KRABD3: variants seen among roughly 807,000 people sequenced by gnomAD.
KRABD3 encodes the protein KRAB domain containing 3.
the KRABD3 span, chr7:149,733,366 C>T: frequency 1.9e-6 from 3 of 1,612,138 alleles, no homozygotes; most frequent in Admixed American, 3.3e-5. Flanking sequence ...AGGAGCTGCA[C>T]AGCCTCGGTG....
At chr7:149,726,913 A>T in the KRABD3 span, among the ~76,000 whole-genome samples, 5 of 152,180 alleles carry the variant, frequency 3.3e-5, no homozygotes, top group Admixed American at 6.5e-5. Flanking sequence ...CATCTCAAAA[A>T]TAAATACATA....
At chr7:149,726,033 G>A in the KRABD3 span, 1 of 1,612,590 alleles carries the variant, frequency 6.2e-7, no homozygotes, top group Admixed American at 1.7e-5. Context: ...GAGTCCTGTG[G>A]GGAACCAGGG....
the KRABD3 span, chr7:149,733,635 G>A: frequency 6.3e-7 from 1 of 1,590,162 alleles, no homozygotes; most frequent in Non-Finnish European, 8.6e-7. Flanking sequence ...CAGGGAGAGA[G>A]CTGCAGGGCT....
chr7:149,734,015 G>C, the KRABD3 span: 2 of 1,609,970 alleles, frequency 1.2e-6, no homozygotes, highest in Non-Finnish European at 1.7e-6. Context: ...GTGGGGTGGG[G>C]AGCACAGGGA....
the KRABD3 span, chr7:149,720,035 C>G: frequency 6.4e-7 from 1 of 1,551,114 alleles, no homozygotes; most frequent in African/African-American, 1.4e-5. Context: ...CCCCTCTCTG[C>G]TTTCCTGTCA....
chr7:149,719,426 C>A, the KRABD3 span: 1 of 1,039,892 alleles, frequency 9.6e-7, no homozygotes, highest in Admixed American at 3.1e-5. The surrounding 1 kb of genome is among the most constrained non-coding windows in gnomAD (Gnocchi z 5.6). Flanking sequence ...GCATGTCAGA[C>A]CCTGGCTATT....
At chr7:149,715,955 A>T in the KRABD3 span, among the ~76,000 whole-genome samples, 1 of 152,120 alleles carries the variant, frequency 6.6e-6, no homozygotes, top group Non-Finnish European at 1.5e-5. Flanking sequence ...CTGTAAAGTG[A>T]GGAGTTTGGG....
the KRABD3 span, among the ~76,000 whole-genome samples, chr7:149,724,289 C>T: frequency 6.6e-6 from 1 of 152,148 alleles, no homozygotes; most frequent in Admixed American, 6.5e-5. Context: ...CCACCCAGCC[C>T]ACACAGGGGT....
the KRABD3 span, among the ~76,000 whole-genome samples, chr7:149,724,480 C>T: frequency 1.3e-5 from 2 of 152,080 alleles, no homozygotes; most frequent in African/African-American, 4.8e-5. Flanking sequence ...GGGGAGGAGG[C>T]GTGTGACTCA....
At chr7:149,727,554 C>T in the KRABD3 span, among the ~76,000 whole-genome samples, 1 of 152,364 alleles carries the variant, frequency 6.6e-6, no homozygotes, top group African/African-American at 2.4e-5. Context: ...ATGCCCCCTC[C>T]AGGCTGCCTT....
the KRABD3 span, among the ~76,000 whole-genome samples, chr7:149,721,190 A>T: frequency 2.6e-5 from 4 of 152,174 alleles, no homozygotes; most frequent in African/African-American, 9.7e-5. Context: ...TGACTTTCGC[A>T]TGGTGGTTTC....
chr7:149,725,799 G>A, the KRABD3 span: 4 of 1,273,822 alleles, frequency 3.1e-6, no homozygotes, highest in African/African-American at 1.5e-5. Context: ...CTTTGGGGCA[G>A]GGTCTTCTGG....
the KRABD3 span, among the ~76,000 whole-genome samples, chr7:149,723,376 G>A: frequency 4.6e-5 from 7 of 152,336 alleles, no homozygotes; most frequent in South Asian, 2.1e-4. Context: ...TCACAGGGCC[G>A]CAGTGAGCTT....
chr7:149,722,632 C>T, the KRABD3 span: 14 of 1,505,782 alleles, frequency 9.3e-6, no homozygotes, highest in African/African-American at 4.2e-5. Context: ...GCTGCTCCGC[C>T]GCCTGGGCCT....
At chr7:149,715,060 G>A in the KRABD3 span, 2 of 1,230,272 alleles carry the variant, frequency 1.6e-6, no homozygotes, top group Non-Finnish European at 2.0e-6. Context: ...CGGGGATGGC[G>A]CGCCAGGTAA....
the KRABD3 span, chr7:149,724,640 C>T: frequency 2.0e-6 from 3 of 1,505,936 alleles, no homozygotes; most frequent in Non-Finnish European, 2.7e-6. Context: ...TCCCAATGGC[C>T]TCCTCCCGCA....
chr7:149,729,573 G>A, the KRABD3 span: 968 of 985,446 alleles, frequency 9.8e-4, 2 homozygotes, highest in Non-Finnish European at 1.1e-3. Flanking sequence ...GAGCGGGGTC[G>A]GGAAGATCAT....
chr7:149,728,550 A>G, the KRABD3 span: 6 of 1,613,570 alleles, frequency 3.7e-6, no homozygotes, highest in South Asian at 2.2e-5. Flanking sequence ...TCCCCACTGC[A>G]GGGTCTGGAG....
the KRABD3 span, among the ~76,000 whole-genome samples, chr7:149,718,834 A>T: frequency 6.6e-6 from 1 of 152,194 alleles, no homozygotes; most frequent in Non-Finnish European, 1.5e-5. Context: ...TTTTGTAAAG[A>T]AACATAGACA....
Sources: allele counts gnomAD v4.1 joint callset (sites outside exome capture counted in the v4.1 genomes callset), GRCh38; gene constraint gnomAD v4.1.1; non-coding constraint Gnocchi (gnomAD v3.1); transcripts MANE v1.5; gene names NCBI Gene and HGNC (gene_info 2026-07-23, HGNC 2026-07-21).